Variants in XPO4 observed in about 807,000 individuals in gnomAD.
XPO4 encodes the protein exportin 4, also known as exportin-4.
In XPO4, 39 loss-of-function variants were observed where a neutral mutation model predicts 143.0. The ratio of observed to expected loss-of-function variants is 0.27; its 90% CI spans 0.21 to 0.36. The LOEUF (loss-of-function observed/expected upper bound fraction) is 0.36, where lower values mean the gene tolerates loss of function less well. XPO4 is among the 10% of genes least tolerant of loss of function. The pLI is 1.00. For synonymous variants in XPO4, 439 were observed against 474.0 expected, an observed-to-expected ratio of 0.93 and a Z score of 0.96; for missense variants, 907 against 1,348.0, an observed-to-expected ratio of 0.67 and a Z score of 5.12.
At chr13:20,810,006 A>G (rs1555333619) in intron 9 of XPO4, 39 bp from the exon 10 acceptor site, 1 of 1,532,224 alleles carries the variant, frequency 6.5e-7, no homozygotes, top group East Asian at 2.3e-5. Context: ...ATGTCCAGAG[A>G]ACGACAATTG....
chr13:20,902,723 G>C lies in XPO4; in HGVS notation c.16C>G (p.Leu6Val). 3 of 1,557,762 alleles carry C rather than the reference G, an allele frequency of 1.9e-6. No individual in the cohort carries two copies. Among genetic ancestry groups the C allele is most frequent in the Non-Finnish European group, 2.6e-6 (3 of 1,150,956 alleles). Residue 6 changes from leucine to valine, a missense_variant, in exon 1 of 23, where the codon CTG becomes GTG. Physicochemically the swap from Leu to Val is conservative, Grantham distance 32. Coordinates refer to ENST00000255305, the MANE Select transcript of XPO4 (RefSeq NM_022459.5). MMAAA[L>V]GPPEVIAQLE... Reference sequence around the variant, plus strand: ...TGAGCGATCACTTCTGGGGGCCCCAGCGCCGCCGCCATCATGGTCTCTCTT... The same window carrying C: ...TGAGCGATCACTTCTGGGGGCCCCACCGCCGCCGCCATCATGGTCTCTCTT...
chr13:20,820,339 A>C (rs574837123), intron 9 of XPO4, among the ~76,000 whole-genome samples: 47 of 152,366 alleles, frequency 3.1e-4, no homozygotes, highest in African/African-American at 1.1e-3. Context: ...AGGATGCCAT[A>C]TATCTTCCAG....
At chr13:20,790,345 T>G in intron 19 of XPO4, 117 bp downstream of exon 19, 1 of 795,790 alleles carries the variant, frequency 1.3e-6, no homozygotes, top group African/African-American at 1.7e-5. Flanking sequence ...AATTGTATCT[T>G]CATGTGCACT....
intron 2 of XPO4, among the ~76,000 whole-genome samples, chr13:20,867,709 A>G (rs1326496069): frequency 6.6e-6 from 1 of 151,542 alleles, no homozygotes; most frequent in East Asian, 1.9e-4. Context: ...TCTGGAAACC[A>G]GCCTATTGGT....
chr13:20,888,564 C>A (rs1419500245), intron 1 of XPO4, among the ~76,000 whole-genome samples: 1 of 151,914 alleles, frequency 6.6e-6, no homozygotes, highest in Non-Finnish European at 1.5e-5. Context: ...GCCATGTTGC[C>A]CACTCTAGTC....
intron 6 of XPO4, among the ~76,000 whole-genome samples, chr13:20,838,806 T>C (rs1447838099): frequency 1.3e-5 from 2 of 151,968 alleles, no homozygotes; most frequent in African/African-American, 4.8e-5. Flanking sequence ...ACAGCAGCAT[T>C]GTTAATAATA....
chr13:20,850,302 C>T, intron 4 of XPO4: 2 of 971,852 alleles, frequency 2.1e-6, no homozygotes, highest in Non-Finnish European at 1.2e-6. Flanking sequence ...AATATTATCA[C>T]ATTTATTTTA....
At chr13:20,824,414 T>C (rs1054335665) in intron 7 of XPO4, among the ~76,000 whole-genome samples, 9 of 152,180 alleles carry the variant, frequency 5.9e-5, no homozygotes, top group Admixed American at 1.3e-4. Flanking sequence ...TGAATGTTCA[T>C]TATGGTCTCG....
intron 3 of XPO4, among the ~76,000 whole-genome samples, chr13:20,861,349 G>A (rs892046109): frequency 6.9e-6 from 1 of 145,022 alleles, no homozygotes; most frequent in African/African-American, 2.6e-5. Flanking sequence ...AGGCTGGAGT[G>A]CAGTGGCTCG....
chr13:20,809,049 T>C, intron 11 of XPO4, 34 bp downstream of exon 11: 1 of 1,600,274 alleles, frequency 6.2e-7, no homozygotes, highest in Non-Finnish European at 8.5e-7. Context: ...ATAGAGAATA[T>C]TTGCTCCATG....
chr13:20,855,490 C>A lies in XPO4; in HGVS notation c.456+137G>T, dbSNP rs559306068. On this transcript the variant is annotated intron_variant, in intron 4 of 22. Transcript: ENST00000255305. ...AAAAAAAAAAAAGACTAGAAGAAAA[C>A]CTGAACAAATGAAAATTGCTTGACT... 2.8e-4 allele frequency: 257 copies of A among 904,606 alleles called. No homozygotes were observed. In the African/African-American group the frequency reaches 4.0e-3, roughly 14 times the overall value. 56.0% of individuals were successfully genotyped at this position (904,606 alleles called of 1,614,324 possible). A position where few individuals can be genotyped will look rare whatever the true frequency, so the allele number is the denominator to read the frequency against.
At chr13:20,818,022 C>T (rs532371740) in intron 9 of XPO4, among the ~76,000 whole-genome samples, 51 of 152,234 alleles carry the variant, frequency 3.4e-4, no homozygotes, top group African/African-American at 1.0e-3. Context: ...TCTCCTCACC[C>T]GACCTCAGGT....
intron 10 of XPO4, among the ~76,000 whole-genome samples, 169 bp downstream of exon 10, chr13:20,809,622 T>C (rs933557503): frequency 6.6e-6 from 1 of 152,166 alleles, no homozygotes; most frequent in African/African-American, 2.4e-5. Context: ...GGAATATACA[T>C]AGGCAACATC....
chr13:20,787,838 A>G (rs563743140), intron 20 of XPO4, among the ~76,000 whole-genome samples: 1 of 152,276 alleles, frequency 6.6e-6, no homozygotes, highest in South Asian at 2.1e-4. Flanking sequence ...TCAGTTTACG[A>G]TACATACAAC....
intron 1 of XPO4, among the ~76,000 whole-genome samples, chr13:20,888,112 T>C (rs1595165478): frequency 6.8e-6 from 1 of 146,716 alleles, no homozygotes; most frequent in Admixed American, 7.0e-5. Context: ...GAGGCAGAGG[T>C]TGCAGTGAGC....
intron 4 of XPO4, among the ~76,000 whole-genome samples, chr13:20,853,332 G>C (rs1241901053): frequency 5.2e-4 from 5 of 9,528 alleles, no homozygotes; most frequent in African/African-American, 1.2e-3. Context: ...GTGAGACCCT[G>C]TCTCAAAAAA....
intron 9 of XPO4, among the ~76,000 whole-genome samples, chr13:20,814,688 G>C (rs2059626863): frequency 6.6e-6 from 1 of 152,254 alleles, no homozygotes; most frequent in African/African-American, 2.4e-5. Flanking sequence ...GACCAAGCTA[G>C]ACACTATGTG....
At chr13:20,809,653 A>G in intron 10 of XPO4, 138 bp downstream of exon 10, 2 of 934,588 alleles carry the variant, frequency 2.1e-6, no homozygotes, top group South Asian at 4.7e-5. Context: ...AAGAACTCAG[A>G]GAACAAGGCC....
intron 4 of XPO4, chr13:20,849,309 G>A (rs1221510431): frequency 4.1e-6 from 4 of 985,274 alleles, no homozygotes; most frequent in African/African-American, 1.7e-5. Flanking sequence ...AGGGGCTGCC[G>A]TAGACAAGTG....
Sources: gnomAD v4.1 joint callset for allele counts (sites outside exome capture counted in the v4.1 genomes callset) on GRCh38, gnomAD v4.1.1 for gene constraint, MANE v1.5 for transcripts, NCBI Gene and HGNC (gene_info 2026-07-23, HGNC 2026-07-21) for gene names.